The following NFASC variants were observed in gnomAD, a reference collection of about 807,000 sequenced individuals.
The protein encoded by NFASC is neurofascin homolog.
A neutral mutation model predicts 147.5 loss-of-function variants in NFASC; 43 were observed. That is an observed-to-expected ratio of 0.29 (90% confidence interval 0.23 to 0.38). The LOEUF (loss-of-function observed/expected upper bound fraction) is 0.38, where lower values mean the gene tolerates loss of function less well. Among genes scored for constraint, NFASC ranks in the 10% least tolerant of loss-of-function variants. The probability of loss-of-function intolerance (pLI) is 1.00; values close to 1 mark genes in which losing one functional copy is unlikely to be tolerated. For synonymous variants in NFASC, 622 were observed against 665.5 expected, an observed-to-expected ratio of 0.93 and a Z score of 1.01; for missense variants, 1,320 against 1,689.0, an observed-to-expected ratio of 0.78 and a Z score of 3.83.
intron 2 of NFASC, among the ~76,000 whole-genome samples, chr1:204,927,223 T>C (rs1181739609): frequency 6.6e-6 from 1 of 152,134 alleles, no homozygotes; most frequent in African/African-American, 2.4e-5. Context: ...ATGCCATTGT[T>C]AGTCACTCCT....
intron 27 of NFASC, among the ~76,000 whole-genome samples, chr1:205,007,786 A>T (rs748742584): frequency 1.3e-5 from 2 of 152,132 alleles, no homozygotes; most frequent in Non-Finnish European, 2.9e-5. Context: ...AGGACTAGAG[A>T]GATGGCCAGG....
intron 2 of NFASC, among the ~76,000 whole-genome samples, chr1:204,943,827 G>A (rs1283254373): frequency 2.6e-5 from 4 of 152,192 alleles, no homozygotes; most frequent in African/African-American, 4.8e-5. Context: ...TGGGCCTGCA[G>A]GCCAATAGGC....
chr1:204,966,124 T>G (rs2094935820), intron 8 of NFASC, among the ~76,000 whole-genome samples: 1 of 152,162 alleles, frequency 6.6e-6, no homozygotes, highest in Non-Finnish European at 1.5e-5. Flanking sequence ...TAGCTTCTCC[T>G]TCTTTAGGAT....
At chr1:204,985,965 G>C (rs1365328635) in intron 21 of NFASC, 1 of 1,613,890 alleles carries the variant, frequency 6.2e-7, no homozygotes, top group African/African-American at 1.3e-5. Flanking sequence ...TCTCAGAAGA[G>C]ACAGCAAGCC....
At chr1:204,897,420 A>T (rs928493487) in intron 1 of NFASC, among the ~76,000 whole-genome samples, 1 of 152,138 alleles carries the variant, frequency 6.6e-6, no homozygotes, top group Non-Finnish European at 1.5e-5. Context: ...AAACCCAGTG[A>T]TACGGAGAAA....
chr1:204,987,455 C>A lies in NFASC; in HGVS notation c.2508C>A (p.Pro836=). 2 of 1,614,120 alleles carry A rather than the reference C, an allele frequency of 1.2e-6. 1 individual carries two copies. Among genetic ancestry groups the A allele is most frequent in the South Asian group, 2.2e-5 (2 of 91,076 alleles). ...CTAGGCGTTTCCGAGTCCGGCAGCC[C>A]AACCTGGAGACAATCAACCTGGAAT... ...SAPRRFRVRQ[P]NLETINLEWD... is the part of the protein sequence containing the mutation. The change falls in exon 22 of 30, where the codon CCC becomes CCA. Residue 836 remains proline (P), a synonymous_variant. Transcript: ENST00000339876. The surrounding 1 kb of genome is among the most constrained non-coding windows in gnomAD (Gnocchi z 4.4).
At chr1:204,944,653 T>C in intron 3 of NFASC, 1 of 487,490 alleles carries the variant, frequency 2.1e-6, no homozygotes, top group Non-Finnish European at 3.6e-6. Flanking sequence ...TTGGGGTGCC[T>C]GGAGCCAGCT....
In NFASC at chr1:204,954,869, G is replaced by A. The variant is rs774938411; in HGVS notation, c.453G>A (p.Val151=). 3.7e-6 allele frequency: 6 copies of A among 1,614,118 alleles called. No individual in the cohort carries two copies. Among genetic ancestry groups the A allele is most frequent in the Non-Finnish European group, 5.1e-6 (6 of 1,179,994 alleles). ...CCAAGGAAAACCTAGACCCTGTCGT[G>A]GTCCAAGAGGGCGCTCCTTTGACGC... ...LWPKENLDPV[V]VQEGAPLTLQ... is the part of the protein sequence containing the mutation. The change falls in exon 7 of 30, where the codon GTG becomes GTA. Residue 151 remains valine (V), a synonymous_variant. Coordinates refer to ENST00000339876, the MANE Select transcript of NFASC (RefSeq NM_001005388.3). The surrounding 1 kb of genome is among the most constrained non-coding windows in gnomAD (Gnocchi z 5.7).
chr1:204,938,185 C>T (rs2802819), intron 2 of NFASC, among the ~76,000 whole-genome samples: 3 of 152,088 alleles, frequency 2.0e-5, no homozygotes, highest in Non-Finnish European at 4.4e-5. Flanking sequence ...ATCAACACCA[C>T]GGGCCCCCAA....
chr1:204,992,486 C>T (rs747810008), intron 24 of NFASC, among the ~76,000 whole-genome samples: 1 of 152,188 alleles, frequency 6.6e-6, no homozygotes, highest in Admixed American at 6.5e-5. Flanking sequence ...TGCCATCATC[C>T]TTCCCTCTCT....
chr1:205,018,508 C>T lies in NFASC; in HGVS notation c.*1969C>T, dbSNP rs2151135719. The T allele has an allele frequency of 6.5e-6, 1 of 152,792 alleles. No homozygotes were observed. Among genetic ancestry groups the T allele is most frequent in the Non-Finnish European group, 1.5e-5 (1 of 68,064 alleles). 9.5% of individuals were successfully genotyped at this position (152,792 alleles called of 1,614,324 possible). A position where few individuals can be genotyped will look rare whatever the true frequency, so the allele number is the denominator to read the frequency against. ...TTTGAACCTGAGAGTGTGTAATGGTCATTTGGGCCAAGCCTCAGCTAGGGC... is the reference window on the plus strand; with the variant it reads ...TTTGAACCTGAGAGTGTGTAATGGTTATTTGGGCCAAGCCTCAGCTAGGGC... On this transcript the variant is annotated 3_prime_UTR_variant, in exon 30 of 30. Transcript: ENST00000339876.
At chr1:204,904,178 G>T (rs1156962311) in intron 1 of NFASC, among the ~76,000 whole-genome samples, 5 of 152,138 alleles carry the variant, frequency 3.3e-5, no homozygotes, top group Non-Finnish European at 7.4e-5. Context: ...GCTCACTACA[G>T]CCTCCACCTC....
At chr1:204,867,915 G>A (rs2077247724) in intron 1 of NFASC, among the ~76,000 whole-genome samples, 1 of 152,174 alleles carries the variant, frequency 6.6e-6, no homozygotes, top group African/African-American at 2.4e-5. Context: ...TTCCAGCCCT[G>A]GGTCATCCTG....
chr1:204,939,928 C>T (rs753067026), intron 2 of NFASC, among the ~76,000 whole-genome samples: 1 of 152,234 alleles, frequency 6.6e-6, no homozygotes, highest in Non-Finnish European at 1.5e-5. Flanking sequence ...ATGGTGGATT[C>T]ATTCCTTCCT....
In NFASC at chr1:205,021,745, C is replaced by G. The variant is rs948356050; in HGVS notation, c.*5206C>G. ...CCTCTTTACTGCGTCTCCCACATCC[C>G]CCACATGCCTCCCAAAATGAAAGAC... On this transcript the variant is annotated 3_prime_UTR_variant, in exon 30 of 30. Coordinates refer to ENST00000339876, the MANE Select transcript of NFASC (RefSeq NM_001005388.3). 1 of 153,312 alleles carries G rather than the reference C, an allele frequency of 6.5e-6. No homozygotes were observed. Among genetic ancestry groups the G allele is most frequent in the African/African-American group, 2.4e-5 (1 of 41,420 alleles). 9.5% of individuals were successfully genotyped at this position (153,312 alleles called of 1,614,324 possible). A position where few individuals can be genotyped will look rare whatever the true frequency, so the allele number is the denominator to read the frequency against.
intron 1 of NFASC, among the ~76,000 whole-genome samples, chr1:204,831,680 T>A (rs1672265741): frequency 6.6e-6 from 1 of 151,748 alleles, no homozygotes; most frequent in Non-Finnish European, 1.5e-5. Context: ...AGCAGAAAAA[T>A]TCAGTTCTCA....
At chr1:204,874,298 C>T (rs539388880) in intron 1 of NFASC, among the ~76,000 whole-genome samples, 41 of 152,344 alleles carry the variant, frequency 2.7e-4, no homozygotes, top group Middle Eastern at 6.8e-3. Flanking sequence ...TCCCTTTTGT[C>T]GTAGGAGCCA....
Position 205,016,479 on chromosome 1 carries a change from A to G in NFASC, c.3663A>G (p.Thr1221=). The change falls in exon 30 of 30, where the codon ACA becomes ACG. Residue 1221 remains threonine, a synonymous_variant. Coordinates refer to ENST00000339876, the MANE Select transcript of NFASC (RefSeq NM_001005388.3). This position sits in a 1 kb window ranked among gnomAD's most constrained non-coding sequence, Gnocchi z 5.1. The part of the protein sequence containing the change: ...QYTVKKDKEE[T]EGNESSEATS... ...CGGTCAAAAAGGACAAGGAGGAAACAGAGGGCAACGAAAGCTCAGAGGCCA... is the reference window on the plus strand; with the variant it reads ...CGGTCAAAAAGGACAAGGAGGAAACGGAGGGCAACGAAAGCTCAGAGGCCA... 1 of 1,614,192 alleles carries G rather than the reference A, an allele frequency of 6.2e-7. No individual in the cohort carries two copies.
rs903282441 is a variant in NFASC at position 205,015,673 on chromosome 1, C to G, written c.3492-635C>G. On this transcript the variant is annotated intron_variant, in intron 29 of 29. Coordinates refer to ENST00000339876, the MANE Select transcript of NFASC (RefSeq NM_001005388.3). The surrounding 1 kb of genome is among the most constrained non-coding windows in gnomAD (Gnocchi z 4.0). The stretch of plus-strand genomic sequence containing the variant: ...TCACCTGCTTACCTGTGTGCCCCCC[C>G]ACCACCACCACTCTTGCGCACCTGT... Among the ~76,000 whole-genome samples, 1 of 152,128 alleles carries G rather than the reference C, an allele frequency of 6.6e-6. No homozygotes were observed. Among genetic ancestry groups the G allele is most frequent in the African/African-American group, 2.4e-5 (1 of 41,426 alleles).
Sources: allele counts gnomAD v4.1 joint callset (sites outside exome capture counted in the v4.1 genomes callset), GRCh38; gene constraint gnomAD v4.1.1; non-coding constraint Gnocchi (gnomAD v3.1); transcripts MANE v1.5; gene names NCBI Gene and HGNC (gene_info 2026-07-23, HGNC 2026-07-21).